CPLX2: variants seen among roughly 807,000 people sequenced by gnomAD.
CPLX2 encodes the protein complexin 2, also known as complexin-2.
In CPLX2, 5 loss-of-function variants were observed where a neutral mutation model predicts 16.3. That is an observed-to-expected ratio of 0.31 (90% confidence interval 0.16 to 0.64). CPLX2 has a LOEUF of 0.64. Among genes scored for constraint, CPLX2 ranks in the 30% least tolerant of loss-of-function variants. CPLX2 has a pLI of 0.79. For synonymous variants in CPLX2, 89 were observed against 73.2 expected (o/e 1.22, Z -1.10); for missense variants, 144 against 181.4 (o/e 0.79, Z 1.18).
In CPLX2 at chr5:175,809,489, A is replaced by G. The variant is rs1758274741; in HGVS notation, c.-89+421A>G. The G allele has an allele frequency of 6.6e-6, 1 of 152,198 alleles. No individual in the cohort carries two copies. The highest frequency in any genetic ancestry group is 6.5e-5 in the Admixed American group (1 of 15,278). 9.4% of individuals were successfully genotyped at this position (152,198 alleles called of 1,614,324 possible). A position where few individuals can be genotyped will look rare whatever the true frequency, so the allele number is the denominator to read the frequency against. The stretch of plus-strand genomic sequence containing the variant: ...TTGGTACATGTTTGATGAATGAATG[A>G]ATGAACTGATGAACTGCCCAAGATG... On this transcript the variant is annotated intron_variant, in intron 2 of 4. Coordinates refer to the CPLX2 transcript ENST00000359546. This position sits in a 1 kb window ranked among gnomAD's most constrained non-coding sequence, Gnocchi z 4.4.
upstream of CPLX2, among the ~76,000 whole-genome samples, chr5:175,868,470 A>G (rs1399440359): frequency 2.0e-5 from 3 of 152,220 alleles, no homozygotes; most frequent in South Asian, 2.1e-4. Context: ...CCCAGGGCTC[A>G]TAAATAAAAG....
chr5:175,833,491 C>T (rs1758769293), intron 2 of CPLX2, among the ~76,000 whole-genome samples: 1 of 152,118 alleles, frequency 6.6e-6, no homozygotes, highest in African/African-American at 2.4e-5. Context: ...GTTGGAAAGT[C>T]AAGAAAAGCT....
chr5:175,843,321 C>T (rs942386051), intron 2 of CPLX2, among the ~76,000 whole-genome samples: 3 of 152,220 alleles, frequency 2.0e-5, no homozygotes, highest in African/African-American at 7.2e-5. Flanking sequence ...CACTGGCTCC[C>T]AAGGCACACA....
intron 1 of CPLX2, among the ~76,000 whole-genome samples, chr5:175,877,221 CTT>C (rs35064099): frequency 0.025 from 3,465 of 137,142 alleles, 116 homozygotes; most frequent in African/African-American, 0.085. Flanking sequence ...TTGTGTTTTG[CTT>C]TTTTTTTTTT....
At chr5:175,843,817 A>C (rs1758992558) in intron 2 of CPLX2, among the ~76,000 whole-genome samples, 1 of 152,234 alleles carries the variant, frequency 6.6e-6, no homozygotes, top group Non-Finnish European at 1.5e-5. Flanking sequence ...TCAGGAGAGA[A>C]GGTCGTTGTT....
At chr5:175,869,446 C>A (rs1415589811), upstream of CPLX2, among the ~76,000 whole-genome samples, 2 of 151,850 alleles carry the variant, frequency 1.3e-5, no homozygotes, top group African/African-American at 4.9e-5. Flanking sequence ...CTATGGAGAG[C>A]CAGTTCTTCC....
intron 2 of CPLX2, among the ~76,000 whole-genome samples, chr5:175,833,612 G>A (rs1317069547): frequency 1.3e-5 from 2 of 152,126 alleles, no homozygotes; most frequent in Non-Finnish European, 2.9e-5. Flanking sequence ...CCAAAGCCTA[G>A]ATCCCACTCC....
At chr5:175,814,023 T>C (rs1470457762) in intron 2 of CPLX2, among the ~76,000 whole-genome samples, 1 of 152,148 alleles carries the variant, frequency 6.6e-6, no homozygotes, top group Non-Finnish European at 1.5e-5. Flanking sequence ...GTATTAAAGG[T>C]CAAAAAATGA....
intron 1 of CPLX2, among the ~76,000 whole-genome samples, chr5:175,874,287 C>A (rs1309025526): frequency 6.6e-6 from 1 of 152,156 alleles, no homozygotes; most frequent in Non-Finnish European, 1.5e-5. Flanking sequence ...ATGTAGGCAG[C>A]ATTGCAAAGC....
chr5:175,871,320 G>A (rs1032011737), upstream of CPLX2, among the ~76,000 whole-genome samples: 2 of 146,930 alleles, frequency 1.4e-5, no homozygotes, highest in Non-Finnish European at 1.5e-5. Flanking sequence ...AGAAAAGAGG[G>A]GGAGGAATGG....
intron 2 of CPLX2, among the ~76,000 whole-genome samples, chr5:175,857,603 T>C (rs1467517729): frequency 6.6e-6 from 1 of 152,218 alleles, no homozygotes; most frequent in Non-Finnish European, 1.5e-5. Flanking sequence ...GCGTTGGATA[T>C]ATCATGTAAT....
At chr5:175,834,633 C>G (rs1469183051) in intron 2 of CPLX2, among the ~76,000 whole-genome samples, 1 of 152,088 alleles carries the variant, frequency 6.6e-6, no homozygotes, top group African/African-American at 2.4e-5. Flanking sequence ...AGCACTTTGG[C>G]AGGCCGAAGT....
At chr5:175,829,248 T>C (rs1422907744) in intron 2 of CPLX2, among the ~76,000 whole-genome samples, 2 of 152,192 alleles carry the variant, frequency 1.3e-5, no homozygotes, top group African/African-American at 4.8e-5. Context: ...CCCCAACTTC[T>C]GGGGAGGAAA....
intron 2 of CPLX2, among the ~76,000 whole-genome samples, chr5:175,824,428 G>A (rs1390614741): frequency 6.6e-6 from 1 of 152,212 alleles, no homozygotes; most frequent in Non-Finnish European, 1.5e-5. Flanking sequence ...AAGAGCCCCA[G>A]GCTGGGGACC....
chr5:175,838,664 T>C (rs1272653301), intron 2 of CPLX2, among the ~76,000 whole-genome samples: 1 of 152,058 alleles, frequency 6.6e-6, no homozygotes, highest in Non-Finnish European at 1.5e-5. Context: ...TGTGACCACA[T>C]GGTTTTCCAG....
Position 175,813,334 on chromosome 5 carries a change from G to T in CPLX2, c.-89+4266G>T, listed in dbSNP as rs11737910. Among the ~76,000 whole-genome samples, 382 of 152,334 alleles carry T rather than the reference G, an allele frequency of 2.5e-3. 3 individuals are homozygous for T. The highest frequency in any genetic ancestry group is 4.6e-3 in the Non-Finnish European group (311 of 68,040). On this transcript the variant is annotated intron_variant, in intron 2 of 4. Coordinates refer to the CPLX2 transcript ENST00000359546. Reference sequence around the variant, plus strand: ...TAAGTGATAGGGCAGAAATCATGAAGGTGGCACAGGAATGACTGAAATTTG... The same window carrying T: ...TAAGTGATAGGGCAGAAATCATGAATGTGGCACAGGAATGACTGAAATTTG...
intron 1 of CPLX2, among the ~76,000 whole-genome samples, chr5:175,802,775 G>A (rs939415064): frequency 2.0e-4 from 31 of 152,114 alleles, no homozygotes; most frequent in Admixed American, 1.1e-3. Flanking sequence ...TTTGCACAAT[G>A]ACAGGCACAT....
chr5:175,879,105 G>T, intron 3 of CPLX2, 22 bp downstream of exon 3: 2 of 1,549,180 alleles, frequency 1.3e-6, no homozygotes, highest in South Asian at 1.2e-5. Context: ...CCGCCCGCCC[G>T]TCCTGGGGAG....
chr5:175,881,453 A>G lies in CPLX2; in HGVS notation c.*1408A>G, dbSNP rs1161875511. The G allele has an allele frequency of 6.5e-6, 1 of 153,432 alleles. No individual in the cohort carries two copies. Among genetic ancestry groups the G allele is most frequent in the East Asian group, 1.9e-4 (1 of 5,202 alleles). The allele number at this position is 153,432 out of a possible 1,614,324, so 9.5% of individuals were successfully genotyped here. On this transcript the variant is annotated 3_prime_UTR_variant, in exon 4 of 4. Transcript: ENST00000393745. ...GGCTGTATATGTTAGCTTGTGTAAG[A>G]ATGTGTTTTCAAAACAGTGTGTGTA... is the stretch of plus-strand genomic sequence containing the variant.
Sources: gnomAD v4.1 joint callset for allele counts (sites outside exome capture counted in the v4.1 genomes callset) on GRCh38, gnomAD v4.1.1 for gene constraint, Gnocchi (gnomAD v3.1) non-coding constraint, MANE v1.5 for transcripts, NCBI Gene and HGNC (gene_info 2026-07-23, HGNC 2026-07-21) for gene names.